Variants in GRID2 observed in about 807,000 individuals in gnomAD.
GRID2 encodes the protein glutamate receptor ionotropic, delta-2.
A neutral mutation model predicts 114.8 loss-of-function variants in GRID2; 33 were observed. The ratio of observed to expected loss-of-function variants is 0.29; its 90% confidence interval spans 0.22 to 0.38. GRID2 has a LOEUF of 0.38. GRID2 is among the 10% of genes least tolerant of loss of function. GRID2 has a pLI of 1.00. For missense variants in GRID2, 1,184 were observed against 1,257.7 expected, an observed-to-expected ratio of 0.94 and a Z score of 0.89; for synonymous variants, 505 against 449.9, an observed-to-expected ratio of 1.12 and a Z score of -1.55.
chr4:93,658,561 A>T (rs1723216288), intron 14 of GRID2, among the ~76,000 whole-genome samples: 1 of 152,302 alleles, frequency 6.6e-6, no homozygotes, highest in Admixed American at 6.5e-5. Flanking sequence ...AGATCACAAG[A>T]GCAGTATATA....
chr4:93,011,559 ATACT>A (rs538217378), intron 2 of GRID2, among the ~76,000 whole-genome samples: 2 of 152,110 alleles, frequency 1.3e-5, no homozygotes, highest in Non-Finnish European at 2.9e-5. Flanking sequence ...GCATATGAAA[ATACT>A]TACCATTTCA....
intron 8 of GRID2, among the ~76,000 whole-genome samples, chr4:93,320,874 T>A (rs1347666425): frequency 6.6e-6 from 1 of 152,078 alleles, no homozygotes; most frequent in African/African-American, 2.4e-5. Flanking sequence ...ATTTTAATAA[T>A]GTCCCAAGTT....
chr4:92,579,122 C>A (rs1245205808), intron 1 of GRID2, among the ~76,000 whole-genome samples: 2 of 152,206 alleles, frequency 1.3e-5, no homozygotes, highest in South Asian at 4.1e-4. Context: ...GGTCTTCATA[C>A]ACCAGGAGGG....
At chr4:93,225,678 A>G (rs1371899862) in intron 7 of GRID2, among the ~76,000 whole-genome samples, 1 of 152,230 alleles carries the variant, frequency 6.6e-6, no homozygotes, top group African/African-American at 2.4e-5. Context: ...CTTTAATATT[A>G]GAAGTGAACT....
intron 1 of GRID2, among the ~76,000 whole-genome samples, chr4:92,463,474 T>A (rs1380387224): frequency 6.6e-6 from 1 of 151,964 alleles, no homozygotes; most frequent in African/African-American, 2.4e-5. Flanking sequence ...GGGAAAACAT[T>A]TAAAAAATAA....
chr4:92,961,098 C>G (rs1008877800), intron 2 of GRID2, among the ~76,000 whole-genome samples: 2 of 151,846 alleles, frequency 1.3e-5, no homozygotes, highest in African/African-American at 4.8e-5. Flanking sequence ...ATTACCCCCT[C>G]CATTCTTTGT....
At chr4:92,322,689 C>T (rs1435927687) in intron 1 of GRID2, among the ~76,000 whole-genome samples, 1 of 152,128 alleles carries the variant, frequency 6.6e-6, no homozygotes, top group East Asian at 1.9e-4. Context: ...TGAAGTTTGG[C>T]TCAGCCTCAA....
At chr4:93,548,412 C>T (rs1389683634) in intron 13 of GRID2, among the ~76,000 whole-genome samples, 5 of 152,192 alleles carry the variant, frequency 3.3e-5, no homozygotes, top group South Asian at 2.1e-4. Flanking sequence ...CCAATTCTGA[C>T]GGTAAATTTT....
intron 4 of GRID2, among the ~76,000 whole-genome samples, chr4:93,129,949 T>C (rs1183822377): frequency 6.6e-6 from 1 of 152,204 alleles, no homozygotes; most frequent in Non-Finnish European, 1.5e-5. Flanking sequence ...AATGTCCAGG[T>C]ATATTTCCTT....
At chr4:92,846,630 T>A (rs1743344965) in intron 2 of GRID2, among the ~76,000 whole-genome samples, 1 of 152,092 alleles carries the variant, frequency 6.6e-6, no homozygotes, top group Non-Finnish European at 1.5e-5. Context: ...TCTCTACCTT[T>A]GTTTTGTCTA....
intron 13 of GRID2, among the ~76,000 whole-genome samples, chr4:93,617,154 G>A (rs565743287): frequency 2.3e-4 from 35 of 152,180 alleles, no homozygotes; most frequent in Non-Finnish European, 4.0e-4. Flanking sequence ...CAGCTCTATA[G>A]AGTAAGAGGC....
rs150100401 is a variant in GRID2 at position 92,993,339 on chromosome 4, G to A, written c.245-91656G>A. ...TCTGTTGAATGCAGTTACTTTCTGAGTAAATTTACAGTATTCTCTTCCCTT... is the reference window on the plus strand; with the variant it reads ...TCTGTTGAATGCAGTTACTTTCTGAATAAATTTACAGTATTCTCTTCCCTT... On this transcript the variant is annotated intron_variant, in intron 2 of 15. Transcript: ENST00000282020. Among the ~76,000 whole-genome samples, 111 of 150,650 alleles carry A rather than the reference G, an allele frequency of 7.4e-4. 1 individual carries two copies. The highest frequency in any genetic ancestry group is 2.6e-3 in the African/African-American group (105 of 41,126).
intron 3 of GRID2, among the ~76,000 whole-genome samples, chr4:93,092,366 C>G (rs1475696733): frequency 6.6e-6 from 1 of 152,030 alleles, no homozygotes; most frequent in East Asian, 1.9e-4. Flanking sequence ...AAAGTATCTA[C>G]AACACTTTCA....
rs1345209155 is a variant in GRID2, at chr4:92,738,697, GCTGGA to G, written c.244+148412_244+148416del. ...GACAGGATCTCACTCTGTTGCTCAT[GCTGGA>G]GTACAGTATCATGATCATAGCTCAC... is the stretch of plus-strand genomic sequence containing the variant. On this transcript the variant is annotated intron_variant, in intron 2 of 15. Coordinates refer to ENST00000282020, the MANE Select transcript of GRID2 (RefSeq NM_001510.4). 3.3e-5 allele frequency among the ~76,000 whole-genome samples: 5 copies of G among 152,100 alleles called. No individual in the cohort carries two copies. The East Asian group carries it at 9.7e-4, about 29-fold the overall frequency.
chr4:92,709,055 G>A (rs1735088790), intron 2 of GRID2, among the ~76,000 whole-genome samples: 1 of 152,150 alleles, frequency 6.6e-6, no homozygotes, highest in Non-Finnish European at 1.5e-5. Flanking sequence ...AATAGAAGGA[G>A]CCTGAGTCCT....
chr4:93,075,047 G>A (rs1210505318), intron 2 of GRID2, among the ~76,000 whole-genome samples: 1 of 152,114 alleles, frequency 6.6e-6, no homozygotes, highest in Non-Finnish European at 1.5e-5. Flanking sequence ...CAGGAAAAAT[G>A]ACATTAATTA....
At chr4:92,553,957 A>C (rs1027336163) in intron 1 of GRID2, among the ~76,000 whole-genome samples, 1 of 152,252 alleles carries the variant, frequency 6.6e-6, no homozygotes, top group Admixed American at 6.5e-5. Flanking sequence ...GCCTATCATT[A>C]ACATTTTTAT....
chr4:93,029,698 A>T (rs962876417), intron 2 of GRID2, among the ~76,000 whole-genome samples: 1 of 152,216 alleles, frequency 6.6e-6, no homozygotes, highest in African/African-American at 2.4e-5. Context: ...ATACAATAGC[A>T]TCAGGTTTTT....
intron 2 of GRID2, among the ~76,000 whole-genome samples, chr4:92,894,170 C>G (rs916099694): frequency 2.0e-5 from 3 of 152,062 alleles, no homozygotes; most frequent in Admixed American, 1.3e-4. Flanking sequence ...GAAATATGGA[C>G]CAAAGTACAT....
Sources: gnomAD v4.1 joint callset for allele counts (sites outside exome capture counted in the v4.1 genomes callset) on GRCh38, gnomAD v4.1.1 for gene constraint, MANE v1.5 for transcripts, NCBI Gene and HGNC (gene_info 2026-07-23, HGNC 2026-07-21) for gene names.